ZFP64: variants seen among roughly 807,000 people sequenced by gnomAD.
ZFP64 encodes the protein ZFP64 zinc finger protein, also known as zinc finger protein 64.
A neutral mutation model predicts 51.6 loss-of-function variants in ZFP64; 14 were observed. The observed-to-expected ratio is 0.27, with a 90% CI of 0.18 to 0.42. The LOEUF is 0.42. ZFP64 is among the 10% of genes least tolerant of loss of function. The pLI, the probability that ZFP64 is intolerant of heterozygous loss-of-function variation, is 1.00. For missense variants in ZFP64, 754 were observed against 906.8 expected (o/e 0.83, Z 2.16); for synonymous variants, 375 against 361.4 (o/e 1.04, Z -0.43).
At chr20:52,183,804 CA>C (rs1311960680) in intron 2 of ZFP64, among the ~76,000 whole-genome samples, 3 of 152,026 alleles carry the variant, frequency 2.0e-5, no homozygotes, top group Non-Finnish European at 4.4e-5. Context: ...TGCTTATTGC[CA>C]AAAAAATTCA....
At chr20:52,095,805 T>C (rs953632923) in intron 7 of ZFP64, among the ~76,000 whole-genome samples, 6 of 152,040 alleles carry the variant, frequency 3.9e-5, no homozygotes, top group African/African-American at 1.4e-4. Flanking sequence ...CTTGTGAAGG[T>C]TGTGTTGTGA....
chr20:52,127,829 C>T (rs1437922266), intron 5 of ZFP64, among the ~76,000 whole-genome samples: 2 of 152,172 alleles, frequency 1.3e-5, no homozygotes, highest in Non-Finnish European at 2.9e-5. Flanking sequence ...AGATATTGAA[C>T]ACTGTCTACA....
intron 5 of ZFP64, among the ~76,000 whole-genome samples, chr20:52,103,835 C>T (rs1335433617): frequency 6.6e-6 from 1 of 152,212 alleles, no homozygotes; most frequent in African/African-American, 2.4e-5. Flanking sequence ...GGTAGCTCCA[C>T]TCGAGCAAGC....
At chr20:52,115,224 A>G (rs1423132768) in intron 5 of ZFP64, among the ~76,000 whole-genome samples, 3 of 149,806 alleles carry the variant, frequency 2.0e-5, no homozygotes, top group Non-Finnish European at 4.4e-5. Flanking sequence ...AAGAAACACC[A>G]GGCTGGATTT....
intron 5 of ZFP64, among the ~76,000 whole-genome samples, chr20:52,123,582 T>A (rs528086955): frequency 6.6e-6 from 1 of 152,278 alleles, no homozygotes; most frequent in South Asian, 2.1e-4. Flanking sequence ...AGCAATAAAA[T>A]ATTTTAAAAT....
At chr20:52,155,319 C>T (rs1017629380) in intron 5 of ZFP64, among the ~76,000 whole-genome samples, 1 of 152,118 alleles carries the variant, frequency 6.6e-6, no homozygotes, top group Non-Finnish European at 1.5e-5. Flanking sequence ...AATTGAAGGA[C>T]GTGTCAAATT....
At position 52,169,221 on chromosome 20, in the gene ZFP64, A is replaced by G. The variant is rs142314841; in HGVS notation, c.287-3196T>C. On this transcript the variant is annotated intron_variant, in intron 2 of 5. Transcript: ENST00000216923. ...TGGTTGAATCTCAATAAATGTCAAC[A>G]GGGATATATTACAGTTCAATAGAAC... is the stretch of plus-strand genomic sequence containing the variant. Among the ~76,000 whole-genome samples the G allele has an allele frequency of 4.4e-3, 675 of 152,352 alleles. 10 individuals are homozygous for G. Among genetic ancestry groups the G allele is most frequent in the African/African-American group, 0.015 (639 of 41,580 alleles).
At chr20:52,187,420 G>A (rs1477722641) in intron 1 of ZFP64, among the ~76,000 whole-genome samples, 1 of 151,902 alleles carries the variant, frequency 6.6e-6, no homozygotes, top group African/African-American at 2.4e-5. Flanking sequence ...TCAGGAGTTC[G>A]AGACCAGCCT....
At chr20:52,131,577 A>T (rs1399609337) in intron 5 of ZFP64, among the ~76,000 whole-genome samples, 1 of 152,206 alleles carries the variant, frequency 6.6e-6, no homozygotes, top group Non-Finnish European at 1.5e-5. Flanking sequence ...GCTATACTTA[A>T]ATCAGACAAA....
intron 7 of ZFP64, among the ~76,000 whole-genome samples, chr20:52,093,351 G>A (rs1334505508): frequency 6.6e-6 from 1 of 152,094 alleles, no homozygotes; most frequent in Non-Finnish European, 1.5e-5. Flanking sequence ...TGTTGGCCAG[G>A]CTGGTCTTGA....
chr20:52,162,484 G>C (rs1039015248), intron 4 of ZFP64, among the ~76,000 whole-genome samples: 1 of 151,762 alleles, frequency 6.6e-6, no homozygotes. Context: ...AAAACTAGCC[G>C]GGCGTGGTGG....
At chr20:52,175,394 A>G (rs904412702) in intron 2 of ZFP64, among the ~76,000 whole-genome samples, 2 of 152,108 alleles carry the variant, frequency 1.3e-5, no homozygotes, top group Non-Finnish European at 2.9e-5. Flanking sequence ...AAGTGCTGGG[A>G]GTCCAGGCAA....
chr20:52,146,725 A>G (rs952436206), downstream of ZFP64, among the ~76,000 whole-genome samples: 1 of 152,140 alleles, frequency 6.6e-6, no homozygotes, highest in African/African-American at 2.4e-5. Context: ...AACTTAAAGT[A>G]TAATAAAAAA....
Position 52,166,113 on chromosome 20 carries a change from T to A in ZFP64, c.287-88A>T, listed in dbSNP as rs538841961. On this transcript the variant is annotated intron_variant, in intron 2 of 5. Coordinates refer to ENST00000216923, the MANE Select transcript of ZFP64 (RefSeq NM_018197.3). ...TACTTTCCTTTGTAGAGAGAATGCA[T>A]GTACTAGTTTGCTTTCCCAGCCTCC... The A allele has an allele frequency of 1.4e-5, 19 of 1,363,344 alleles. No individual in the cohort carries two copies. In the East Asian group the frequency reaches 4.3e-4, roughly 31 times the overall value. The allele number at this position is 1,363,344 out of a possible 1,614,324, so 84.5% of individuals were successfully genotyped here. A position where few individuals can be genotyped will look rare whatever the true frequency, so the allele number is the denominator to read the frequency against.
chr20:52,120,617 T>C (rs6021714), intron 5 of ZFP64, among the ~76,000 whole-genome samples: 62,858 of 150,560 alleles, frequency 0.42, 14,219 homozygotes, highest in Admixed American at 0.5. Flanking sequence ...ATAATTCTTG[T>C]AATATTTCAA....
At chr20:52,184,690 G>A (rs956547903) in intron 2 of ZFP64, among the ~76,000 whole-genome samples, 12 of 151,990 alleles carry the variant, frequency 7.9e-5, no homozygotes, top group Non-Finnish European at 1.6e-4. Flanking sequence ...GCAGTGGTAC[G>A]ATCATAGCTC....
In ZFP64 at chr20:52,152,797, G is replaced by C. The variant is rs779898076; in HGVS notation, c.1395C>G (p.Ile465Met). The C allele has an allele frequency of 1.2e-6, 2 of 1,609,660 alleles. No homozygotes were observed. Among genetic ancestry groups the C allele is most frequent in the East Asian group, 4.5e-5 (2 of 44,780 alleles). ...NSDVTVLQFQ[I>M]DPSKQPATPL... ...GCGTGGCGGGCTGCTTGCTGGGGTC[G>C]ATCTGAAACTGGAGAACGGTCACGT... The change falls in exon 6 of 6, where the codon ATC becomes ATG. Residue 465 changes from isoleucine to methionine, a missense_variant. Physicochemically the swap from Ile to Met is conservative, Grantham distance 10. Coordinates refer to ENST00000216923, the MANE Select transcript of ZFP64 (RefSeq NM_018197.3).
In ZFP64 at chr20:52,152,672, TG is replaced by T; in HGVS notation, c.1519del (p.Gln507ArgfsTer13). 2 of 1,542,124 alleles carry T rather than the reference TG, an allele frequency of 1.3e-6. No homozygotes were observed. Reference sequence around the variant, plus strand: ...GGCAGCCTGGACGATGGTGTTCGCCTGGGGCACCTGATGCCCAACGATGATT... The same window carrying T: ...GGCAGCCTGGACGATGGTGTTCGCCTGGGCACCTGATGCCCAACGATGATT... ...VKIIVGHQVP[Q>X]ANTIVQAAAA... On this transcript the variant is annotated frameshift_variant, in exon 6 of 6. Transcript: ENST00000216923. LOFTEE classifies it high-confidence loss of function.
chr20:52,099,253 G>A (rs563432157), intron 5 of ZFP64, among the ~76,000 whole-genome samples: 3 of 151,966 alleles, frequency 2.0e-5, no homozygotes, highest in African/African-American at 4.8e-5. Context: ...GGGGAGAGGT[G>A]GAATAAGATA....
Sources: allele counts gnomAD v4.1 joint callset (sites outside exome capture counted in the v4.1 genomes callset), GRCh38; gene constraint gnomAD v4.1.1; transcripts MANE v1.5; gene names NCBI Gene and HGNC (gene_info 2026-07-23, HGNC 2026-07-21).